The following ANO4 variants were observed in gnomAD, a reference collection of about 807,000 sequenced individuals.
The protein encoded by ANO4 is anoctamin-4.
A neutral mutation model predicts 141.9 loss-of-function variants in ANO4; 69 were observed. The observed-to-expected ratio is 0.49, with a 90% confidence interval of 0.40 to 0.59. The LOEUF is 0.59. ANO4 is among the 20% of genes least tolerant of loss of function. ANO4 has a pLI of 0.00. For missense variants in ANO4, 894 were observed against 1,162.2 expected (o/e 0.77, Z 3.36); for synonymous variants, 350 against 394.3 (o/e 0.89, Z 1.33).
chr12:100,882,675 GTTTT>G (rs59850665), intron 1 of ANO4, among the ~76,000 whole-genome samples: 1 of 151,360 alleles, frequency 6.6e-6, no homozygotes, highest in Non-Finnish European at 1.5e-5. Context: ...CTGGAACTCT[GTTTT>G]TTTTGTTTGT....
chr12:100,878,467 A>C (rs1171531087), intron 1 of ANO4, among the ~76,000 whole-genome samples: 1 of 152,174 alleles, frequency 6.6e-6, no homozygotes, highest in African/African-American at 2.4e-5. Flanking sequence ...TGAGATACTA[A>C]ATGAGGGCCC....
chr12:100,869,300 G>T (rs560495714), intron 1 of ANO4, among the ~76,000 whole-genome samples: 1 of 152,142 alleles, frequency 6.6e-6, no homozygotes, highest in Non-Finnish European at 1.5e-5. Flanking sequence ...AGGGATGTAG[G>T]CTGTCTCATA....
chr12:100,951,103 G>C (rs1338107051), intron 5 of ANO4, among the ~76,000 whole-genome samples: 1 of 152,172 alleles, frequency 6.6e-6, no homozygotes, highest in South Asian at 2.1e-4. Flanking sequence ...CTAATCATTA[G>C]AGAAATGTAA....
chr12:101,013,307 T>TTGATG, intron 8 of ANO4, among the ~76,000 whole-genome samples: 1 of 152,206 alleles, frequency 6.6e-6, no homozygotes, highest in African/African-American at 2.4e-5. Flanking sequence ...CAATACTTTA[T>TTGATG]AGTCTCACTT....
At chr12:100,878,334 A>G (rs1178294051) in intron 1 of ANO4, among the ~76,000 whole-genome samples, 1 of 152,220 alleles carries the variant, frequency 6.6e-6, no homozygotes, top group Non-Finnish European at 1.5e-5. Context: ...GTGAGATAGT[A>G]TATGCACAAT....
intron 5 of ANO4, among the ~76,000 whole-genome samples, chr12:100,946,378 C>T (rs992512589): frequency 6.6e-6 from 1 of 151,966 alleles, no homozygotes; most frequent in Admixed American, 6.6e-5. Flanking sequence ...AGGGCAGAAG[C>T]AGGGAGAATA....
In ANO4 at chr12:100,895,957, G is replaced by A. The variant is rs2040329200; in HGVS notation, c.-140-5689G>A. 2.0e-5 allele frequency among the ~76,000 whole-genome samples: 3 copies of A among 152,020 alleles called. No homozygotes were observed. The South Asian group carries it at 6.2e-4, about 32-fold the overall frequency. The stretch of plus-strand genomic sequence containing the variant: ...AAACTCAGACCAAGCAGGAAACATA[G>A]GCTTGATGTTTAGGAGACAGAGTAA... On this transcript the variant is annotated intron_variant, in intron 1 of 27. Coordinates refer to ENST00000392977, the MANE Select transcript of ANO4 (RefSeq NM_001286615.2).
chr12:100,925,292 G>A (rs1301229355), intron 3 of ANO4, among the ~76,000 whole-genome samples: 1 of 152,016 alleles, frequency 6.6e-6, no homozygotes, highest in East Asian at 1.9e-4. Flanking sequence ...ATCGTTTCTG[G>A]AAAGCTTTGC....
chr12:100,718,399 G>C (rs2030709438), intron 1 of ANO4, among the ~76,000 whole-genome samples: 1 of 152,186 alleles, frequency 6.6e-6, no homozygotes, highest in Non-Finnish European at 1.5e-5. Context: ...GCAGTCAGTT[G>C]TTGCGATAAG....
intron 1 of ANO4, among the ~76,000 whole-genome samples, chr12:100,821,439 G>A (rs1254304270): frequency 6.6e-6 from 1 of 151,860 alleles, no homozygotes; most frequent in Non-Finnish European, 1.5e-5. Flanking sequence ...AATCGATTTG[G>A]AATGGAAGAA....
intron 17 of ANO4, among the ~76,000 whole-genome samples, chr12:101,089,013 A>G (rs2049628980): frequency 6.6e-6 from 1 of 152,022 alleles, no homozygotes; most frequent in Admixed American, 6.6e-5. Flanking sequence ...TAGTTCCCCT[A>G]TCCTTATTTA....
chr12:100,742,967 T>G (rs943479973), intron 3 of ANO4, among the ~76,000 whole-genome samples: 2 of 152,132 alleles, frequency 1.3e-5, no homozygotes, highest in Non-Finnish European at 2.9e-5. Context: ...AAAAACTGTT[T>G]CCAGTGTCCA....
chr12:101,069,517 A>T (rs1049512363), intron 14 of ANO4, among the ~76,000 whole-genome samples: 2 of 152,192 alleles, frequency 1.3e-5, no homozygotes, highest in Non-Finnish European at 2.9e-5. Flanking sequence ...CTAAGAGAGG[A>T]TGTAGGAGAC....
intron 14 of ANO4, among the ~76,000 whole-genome samples, chr12:101,075,872 A>G (rs1320158178): frequency 6.6e-6 from 1 of 151,998 alleles, no homozygotes; most frequent in Non-Finnish European, 1.5e-5. Context: ...TATTCAGAGG[A>G]GGGAGTTTAA....
At chr12:101,115,844 A>T (rs947839742) in intron 24 of ANO4, among the ~76,000 whole-genome samples, 2 of 152,158 alleles carry the variant, frequency 1.3e-5, no homozygotes, top group Non-Finnish European at 2.9e-5. Flanking sequence ...GTTTCCTCCA[A>T]TCAGATCGAT....
Position 101,099,609 on chromosome 12 carries a change from G to C in ANO4, c.2038G>C (p.Val680Leu). The change falls in exon 22 of 28, where the codon GTA (valine) becomes CTA (leucine). Residue 680 changes from valine (V) to leucine (L), a missense_variant. Physicochemically the swap from Val to Leu is conservative, Grantham distance 32. Coordinates refer to ENST00000392977, the MANE Select transcript of ANO4 (RefSeq NM_001286615.2). The stretch of plus-strand genomic sequence containing the variant: ...TCAGAATTGGTGGACTAGAAGAAAA[G>C]TACGACAAGAACATGGACCTGAAAG... ...LIQNWWTRRK[V>L]RQEHGPERKI... 1.2e-6 allele frequency: 2 copies of C among 1,603,614 alleles called. No individual in the cohort carries two copies. The highest frequency in any genetic ancestry group is 1.7e-6 in the Non-Finnish European group (2 of 1,177,492).
intron 1 of ANO4, among the ~76,000 whole-genome samples, chr12:100,878,297 C>T (rs1177593568): frequency 6.6e-6 from 1 of 152,138 alleles, no homozygotes; most frequent in Non-Finnish European, 1.5e-5. Context: ...ATTTTGTCCT[C>T]CTAAGAATTA....
intron 9 of ANO4, among the ~76,000 whole-genome samples, chr12:101,020,824 A>G (rs1222530225): frequency 1.3e-5 from 2 of 152,184 alleles, no homozygotes; most frequent in African/African-American, 2.4e-5. Flanking sequence ...ACAGATTATT[A>G]TATATCAGGA....
At chr12:101,013,340 T>TG (rs2136457504) in intron 8 of ANO4, among the ~76,000 whole-genome samples, 1 of 152,274 alleles carries the variant, frequency 6.6e-6, no homozygotes, top group South Asian at 2.1e-4. Context: ...ACCCTATCCT[T>TG]GGGCAACTAA....
Sources: gnomAD v4.1 joint callset for allele counts (sites outside exome capture counted in the v4.1 genomes callset) on GRCh38, gnomAD v4.1.1 for gene constraint, MANE v1.5 for transcripts, NCBI Gene and HGNC (gene_info 2026-07-23, HGNC 2026-07-21) for gene names.